The following OR2L13 variants were observed in gnomAD, a reference collection of about 807,000 sequenced individuals.
OR2L13 encodes olfactory receptor 2L13.
OR2L13 carries 14 observed loss-of-function variants against 15.3 expected under a neutral mutation model. The observed-to-expected ratio is 0.91, with a 90% CI of 0.60 to 1.43. The LOEUF is 1.43. Ranked by LOEUF, OR2L13 falls within the 40% of genes most tolerant of loss-of-function variation. OR2L13 has a pLI of 0.00. For missense variants in OR2L13, 367 were observed against 387.9 expected (o/e 0.95, Z 0.45); for synonymous variants, 152 against 142.9 (o/e 1.06, Z -0.45).
At chr1:248,063,574 T>A in the OR2L13 span, among the ~76,000 whole-genome samples, 1 of 152,236 alleles carries the variant, frequency 6.6e-6, no homozygotes, top group African/African-American at 2.4e-5. Flanking sequence ...ATTCCATGAA[T>A]ACAACAGGGA....
the OR2L13 span, among the ~76,000 whole-genome samples, chr1:248,065,308 C>T: frequency 1.3e-5 from 2 of 152,094 alleles, no homozygotes; most frequent in Non-Finnish European, 2.9e-5. Context: ...GCATTTCATA[C>T]CACACAGTGT....
At chr1:248,095,639 C>T (rs868369615), upstream of OR2L13, among the ~76,000 whole-genome samples, 2 of 11,696 alleles carry the variant, frequency 1.7e-4, no homozygotes, top group Non-Finnish European at 7.1e-4. Context: ...TGGAGTCTCA[C>T]TATGTCACCC....
chr1:247,997,789 C>T, the OR2L13 span, among the ~76,000 whole-genome samples: 1 of 152,138 alleles, frequency 6.6e-6, no homozygotes. Flanking sequence ...CATCCTCTGA[C>T]ATTAGTGACT....
At chr1:247,961,265 C>T in the OR2L13 span, among the ~76,000 whole-genome samples, 121,416 of 152,052 alleles carry the variant, frequency 0.8, 52,667 homozygotes, top group South Asian at 0.95. Context: ...TGGGCATAAT[C>T]TCCAGCCTAG....
chr1:248,055,880 G>A, the OR2L13 span: 1 of 151,770 alleles, frequency 6.6e-6, no homozygotes, highest in Non-Finnish European at 1.5e-5. Context: ...GTAGAATTCA[G>A]CTGTAATCCA....
chr1:248,051,774 T>TTTA, the OR2L13 span, among the ~76,000 whole-genome samples: 1 of 151,960 alleles, frequency 6.6e-6, no homozygotes, highest in African/African-American at 2.4e-5. Flanking sequence ...TTTTATTTTA[T>TTTA]TTATTTATTT....
the OR2L13 span, among the ~76,000 whole-genome samples, chr1:248,025,647 C>T: frequency 6.9e-6 from 1 of 145,892 alleles, no homozygotes; most frequent in East Asian, 2.1e-4. Context: ...GACACATGCA[C>T]ATGTATGTTT....
chr1:247,947,265 G>A, the OR2L13 span, among the ~76,000 whole-genome samples: 4 of 152,120 alleles, frequency 2.6e-5, no homozygotes, highest in East Asian at 1.9e-4. Flanking sequence ...TATTCTTTCT[G>A]CATATTTTAA....
At chr1:248,023,200 G>A in the OR2L13 span, 1 of 176,024 alleles carries the variant, frequency 5.7e-6, no homozygotes. Context: ...ATAGTTATAT[G>A]TTAATTGTTT....
chr1:248,072,903 A>G, the OR2L13 span, among the ~76,000 whole-genome samples: 3 of 152,236 alleles, frequency 2.0e-5, no homozygotes, highest in Non-Finnish European at 4.4e-5. Flanking sequence ...CATCAGGGAA[A>G]TGCAAATCAA....
exon 3 of OR2L13, chr1:248,099,941 C>T: frequency 6.2e-7 from 1 of 1,614,090 alleles, no homozygotes; most frequent in Non-Finnish European, 8.5e-7. Context: ...CTTGCCTGTA[C>T]AGATACTTGG....
the OR2L13 span, among the ~76,000 whole-genome samples, chr1:248,082,457 C>T: frequency 6.7e-6 from 1 of 149,930 alleles, no homozygotes; most frequent in African/African-American, 2.5e-5. Context: ...ATGTAACTAA[C>T]CTGCACAATG....
At chr1:248,004,788 G>A in the OR2L13 span, among the ~76,000 whole-genome samples, 410 of 152,274 alleles carry the variant, frequency 2.7e-3, 3 homozygotes, top group African/African-American at 9.4e-3. Flanking sequence ...TATAAGAATT[G>A]GGAGTTTAGT....
At chr1:247,980,441 G>C in the OR2L13 span, among the ~76,000 whole-genome samples, 5,914 of 152,172 alleles carry the variant, frequency 0.039, 358 homozygotes, top group African/African-American at 0.13. Context: ...TATATACAGA[G>C]ATATCATTGG....
the OR2L13 span, among the ~76,000 whole-genome samples, chr1:247,968,668 A>G: frequency 1.3e-5 from 2 of 152,182 alleles, no homozygotes; most frequent in Admixed American, 6.5e-5. Context: ...TGCAAAGGAC[A>G]TGAACGCATC....
chr1:248,032,868 G>C, the OR2L13 span, among the ~76,000 whole-genome samples: 1 of 152,094 alleles, frequency 6.6e-6, no homozygotes, highest in East Asian at 1.9e-4. Flanking sequence ...ATTCAGAAGT[G>C]AAATAGTTGG....
At chr1:248,085,919 G>C in the OR2L13 span, among the ~76,000 whole-genome samples, 1 of 152,094 alleles carries the variant, frequency 6.6e-6, no homozygotes, top group African/African-American at 2.4e-5. Context: ...CTGATCTGAC[G>C]GAGGCAGAAC....
the OR2L13 span, among the ~76,000 whole-genome samples, chr1:247,981,129 C>G: frequency 6.6e-6 from 1 of 152,086 alleles, no homozygotes; most frequent in Non-Finnish European, 1.5e-5. Flanking sequence ...TTGCTGCTAA[C>G]TCATAAATGT....
At chr1:247,990,216 TACTTC>T in the OR2L13 span, 1 of 677,334 alleles carries the variant, frequency 1.5e-6, no homozygotes, top group Non-Finnish European at 2.7e-6. Context: ...GGAACTACTG[TACTTC>T]ACTTACCCTT....
Sources: gnomAD v4.1 joint callset for allele counts (sites outside exome capture counted in the v4.1 genomes callset) on GRCh38, gnomAD v4.1.1 for gene constraint, MANE v1.5 for transcripts, NCBI Gene and HGNC (gene_info 2026-07-23, HGNC 2026-07-21) for gene names.